Variants in DCBLD1 observed in about 807,000 individuals in gnomAD.
DCBLD1 encodes the protein discoidin, CUB and LCCL domain-containing protein 1.
Under a neutral mutation model 71.5 loss-of-function variants are expected in DCBLD1, and 57 were observed. The ratio of observed to expected loss-of-function variants is 0.80; its 90% CI spans 0.64 to 0.99. The LOEUF (loss-of-function observed/expected upper bound fraction) is 0.99, where lower values mean the gene tolerates loss of function less well. Ranked by LOEUF, DCBLD1 falls within the 50% of genes least tolerant of loss-of-function variation. The pLI is 0.00. For synonymous variants in DCBLD1, 380 were observed against 363.8 expected (o/e 1.04, Z -0.51); for missense variants, 891 against 923.5 (o/e 0.96, Z 0.46).
At chr6:117,538,424 A>G (rs911684580) in intron 7 of DCBLD1, among the ~76,000 whole-genome samples, 196 bp from the exon 8 acceptor site, 1 of 152,184 alleles carries the variant, frequency 6.6e-6, no homozygotes, top group Non-Finnish European at 1.5e-5. Context: ...AAAAGCAATA[A>G]CAGTTTCAAG....
At position 117,537,039 on chromosome 6, in the gene DCBLD1, A is replaced by G. The variant is rs978826074; in HGVS notation, c.720-146A>G. The G allele has an allele frequency of 8.2e-6, 6 of 727,460 alleles. No homozygotes were observed. The African/African-American group carries it at 1.1e-4, about 13-fold the overall frequency. 45.1% of individuals were successfully genotyped at this position (727,460 alleles called of 1,614,324 possible). ...TCTATAAAATACCAGTGATGAAGATAATAGCAGTAGGTTTGCAGGGGTGTT... is the reference window on the plus strand; with the variant it reads ...TCTATAAAATACCAGTGATGAAGATGATAGCAGTAGGTTTGCAGGGGTGTT... On this transcript the variant is annotated intron_variant, in intron 6 of 14. Coordinates refer to ENST00000338728, the MANE Select transcript of DCBLD1 (RefSeq NM_001366458.2).
At chr6:117,488,404 G>A (rs1455252793) in intron 1 of DCBLD1, among the ~76,000 whole-genome samples, 2 of 152,226 alleles carry the variant, frequency 1.3e-5, no homozygotes, top group Non-Finnish European at 2.9e-5. Context: ...AGTACTTTGG[G>A]AGGCTGAGGT....
chr6:117,566,436 A>G (rs12211146), intron 14 of DCBLD1, among the ~76,000 whole-genome samples: 6 of 152,196 alleles, frequency 3.9e-5, no homozygotes, highest in Non-Finnish European at 8.8e-5. Context: ...TGATTCTAAT[A>G]GCAATCATAA....
intron 14 of DCBLD1, chr6:117,560,266 ATATT>A (rs1176642090): frequency 5.8e-6 from 1 of 173,088 alleles, no homozygotes; most frequent in Non-Finnish European, 1.3e-5. Flanking sequence ...ACAAGCCAAA[ATATT>A]TAACGTCAAG....
At chr6:117,529,403 G>T (rs575610550) in intron 5 of DCBLD1, among the ~76,000 whole-genome samples, 2 of 152,008 alleles carry the variant, frequency 1.3e-5, no homozygotes, top group East Asian at 3.9e-4. Context: ...TTGTAGAGAC[G>T]TTCTGCTCTA....
At position 117,525,413 on chromosome 6, in the gene DCBLD1, T is replaced by C. The variant is rs775191351; in HGVS notation, c.564T>C (p.Asn188=). The C allele has an allele frequency of 9.9e-6, 15 of 1,512,668 alleles. No individual in the cohort carries two copies. In the South Asian group the frequency reaches 2.1e-4, roughly 21 times the overall value. The allele number at this position is 1,512,668 out of a possible 1,614,324, so 93.7% of individuals were successfully genotyped here. The part of the protein sequence containing the change: ...CRDVAGDISG[N]MVDGYRDTSL... ...ACGTAGCAGGAGACATTTCTGGGAA[T>C]ATGGTAGATGGATATAGAGATGTAA... The change falls in exon 5 of 15, where the codon AAT becomes AAC. Residue 188 remains asparagine, a synonymous_variant. Coordinates refer to ENST00000338728, the MANE Select transcript of DCBLD1 (RefSeq NM_001366458.2).
At chr6:117,544,693 C>A in intron 13 of DCBLD1, 116 bp downstream of exon 13, 1 of 1,064,822 alleles carries the variant, frequency 9.4e-7, no homozygotes, top group Non-Finnish European at 1.4e-6. Flanking sequence ...AGACATAAGC[C>A]CTGTAGCCTT....
rs540594502 is a variant in DCBLD1 at position 117,483,001 on chromosome 6, G to C, written c.112+108G>C. ...GAGGGCTACGGGGCGGGCCGGGCCT[G>C]GGGGGACGGAGCGCGGGAGGAAGTC... is the stretch of plus-strand genomic sequence containing the variant. On this transcript the variant is annotated intron_variant, in intron 1 of 14. Coordinates refer to ENST00000338728, the MANE Select transcript of DCBLD1 (RefSeq NM_001366458.2). The C allele has an allele frequency of 3.7e-5, 37 of 1,001,814 alleles. No homozygotes were observed. In the South Asian group the frequency reaches 1.5e-3, roughly 40 times the overall value. The allele number at this position is 1,001,814 out of a possible 1,614,324, so 62.1% of individuals were successfully genotyped here.
chr6:117,544,430 C>T (rs1007733784), intron 12 of DCBLD1, 98 bp from the exon 13 acceptor site: 11 of 1,190,094 alleles, frequency 9.2e-6, no homozygotes, highest in Admixed American at 2.7e-5. Context: ...CACATCAACC[C>T]TATGAGGTAA....
rs1779361949 is a variant in DCBLD1 at position 117,548,677 on chromosome 6, T to C, written c.*238T>C. ...GTTGGGTTTTGTTGGGCTAGAAAAA[T>C]GAAAATTTTCAGATGGCGTTTTCAT... On this transcript the variant is annotated 3_prime_UTR_variant, in exon 15 of 15. Coordinates refer to ENST00000338728, the MANE Select transcript of DCBLD1 (RefSeq NM_001366458.2). 2 of 1,412,900 alleles carry C rather than the reference T, an allele frequency of 1.4e-6. No homozygotes were observed. The highest frequency in any genetic ancestry group is 3.1e-5 in the South Asian group (2 of 63,922). The allele number at this position is 1,412,900 out of a possible 1,614,324, so 87.5% of individuals were successfully genotyped here. A position where few individuals can be genotyped will look rare whatever the true frequency, so the allele number is the denominator to read the frequency against.
chr6:117,485,232 C>G (rs779009089), intron 1 of DCBLD1, among the ~76,000 whole-genome samples: 1 of 152,122 alleles, frequency 6.6e-6, no homozygotes, highest in Non-Finnish European at 1.5e-5. Flanking sequence ...CCTAAAACTC[C>G]CTGCTTCTCT....
intron 8 of DCBLD1, 73 bp downstream of exon 8, chr6:117,538,908 G>C: frequency 6.8e-7 from 1 of 1,462,526 alleles, no homozygotes; most frequent in Non-Finnish European, 9.3e-7. Context: ...TTGAAAATAC[G>C]CTTATTGTTT....
At chr6:117,546,683 G>A (rs932843572) in intron 14 of DCBLD1, among the ~76,000 whole-genome samples, 1 of 151,998 alleles carries the variant, frequency 6.6e-6, no homozygotes, top group African/African-American at 2.4e-5. Flanking sequence ...CCCGGGTTCT[G>A]TCTCACCCCC....
chr6:117,485,426 TAAATCATCTGTC>T (rs1317819258), intron 1 of DCBLD1, among the ~76,000 whole-genome samples: 1 of 152,234 alleles, frequency 6.6e-6, no homozygotes, highest in Non-Finnish European at 1.5e-5. Flanking sequence ...GGTCTGCTGT[TAAATCATCTGTC>T]ATTTATTTTG....
At chr6:117,525,542 G>T in intron 5 of DCBLD1, 108 bp downstream of exon 5, 1 of 740,758 alleles carries the variant, frequency 1.3e-6, no homozygotes. Flanking sequence ...ACTCTAGATA[G>T]ATGCATGAGT....
chr6:117,548,451 A>G lies in DCBLD1; in HGVS notation c.*12A>G, dbSNP rs1779354425. 3 of 1,550,288 alleles carry G rather than the reference A, an allele frequency of 1.9e-6. No individual in the cohort carries two copies. In the East Asian group the frequency reaches 7.3e-5, roughly 38 times the overall value. On this transcript the variant is annotated 3_prime_UTR_variant, in exon 15 of 15. Transcript: ENST00000338728. ...CTGCCCTTTTGTGAACACAATGTGA[A>G]AGAAGCCTGCTGTGGTACTGAGCGT...
At chr6:117,536,285 T>G (rs1293288834) in intron 6 of DCBLD1, among the ~76,000 whole-genome samples, 1 of 152,254 alleles carries the variant, frequency 6.6e-6, no homozygotes, top group Non-Finnish European at 1.5e-5. Context: ...TACCTTTTGG[T>G]GTTTACCTCT....
intron 6 of DCBLD1, among the ~76,000 whole-genome samples, chr6:117,533,442 C>T (rs210651): frequency 0.4 from 61,153 of 151,960 alleles, 12,885 homozygotes; most frequent in Non-Finnish European, 0.44. Flanking sequence ...TGGATAGGTT[C>T]TCAAGTTAGT....
At chr6:117,517,333 C>T (rs1778233674) in intron 2 of DCBLD1, among the ~76,000 whole-genome samples, 1 of 152,208 alleles carries the variant, frequency 6.6e-6, no homozygotes, top group African/African-American at 2.4e-5. Flanking sequence ...CATGCTGATG[C>T]AAGAGGTGAG....
Sources: gnomAD v4.1 joint callset for allele counts (sites outside exome capture counted in the v4.1 genomes callset) on GRCh38, gnomAD v4.1.1 for gene constraint, MANE v1.5 for transcripts, NCBI Gene and HGNC (gene_info 2026-07-23, HGNC 2026-07-21) for gene names.